Variants in ATG7 observed in about 807,000 individuals in gnomAD.
ATG7 encodes the protein ubiquitin-like modifier-activating enzyme ATG7.
Under a neutral mutation model 82.4 loss-of-function variants are expected in ATG7, and 70 were observed. The observed-to-expected ratio is 0.85, with a 90% CI of 0.70 to 1.04. The LOEUF is 1.04. ATG7 is among the 50% of genes least tolerant of loss of function. The pLI, the probability that ATG7 is intolerant of heterozygous loss-of-function variation, is 0.00. For synonymous variants in ATG7, 287 were observed against 313.0 expected (o/e 0.92, Z 0.88); for missense variants, 792 against 864.3 (o/e 0.92, Z 1.05).
intron 20 of ATG7, among the ~76,000 whole-genome samples, chr3:11,494,307 T>A (rs957083765): frequency 1.3e-5 from 2 of 152,116 alleles, no homozygotes; most frequent in African/African-American, 2.4e-5. Flanking sequence ...ACTTAGGCAA[T>A]CATGATGGGT....
chr3:11,570,875 T>A, the ATG7 span, among the ~76,000 whole-genome samples: 1 of 152,148 alleles, frequency 6.6e-6, no homozygotes, highest in Non-Finnish European at 1.5e-5. Context: ...CACCGTGGCT[T>A]CTCTCCCCTT....
At chr3:11,525,428 G>A (rs1484984954) in intron 20 of ATG7, among the ~76,000 whole-genome samples, 2 of 147,764 alleles carry the variant, frequency 1.4e-5, no homozygotes, top group Non-Finnish European at 3.0e-5. Flanking sequence ...ACTCATAAGA[G>A]GTTCACAGTA....
In ATG7 at chr3:11,439,069, C is replaced by CTTTTTTTT. The variant is rs67206280; in HGVS notation, c.2079+12153_2079+12160dup. Among the ~76,000 whole-genome samples the CTTTTTTTT allele has an allele frequency of 3.2e-4, 39 of 121,976 alleles. 1 individual carries two copies. Among genetic ancestry groups the CTTTTTTTT allele is most frequent in the African/African-American group, 9.1e-4 (29 of 31,916 alleles). The allele number at this position is 121,976 out of a possible 152,430, so 80.0% of individuals were successfully genotyped here. ...TATTTTCTTTTTCTTTTCTTTCTTT[C>CTTTTTTTT]TTTTTTTTTTTTTTTTTGAGACAGA... is the stretch of plus-strand genomic sequence containing the variant. On this transcript the variant is annotated intron_variant, in intron 20 of 20. Transcript: ENST00000693202.
In ATG7 at chr3:11,413,077, G is replaced by A. The variant is rs142216020; in HGVS notation, c.1957-13727G>A. Among the ~76,000 whole-genome samples, 4 of 152,154 alleles carry A rather than the reference G, an allele frequency of 2.6e-5. No individual in the cohort carries two copies. The East Asian group carries it at 5.8e-4, about 22-fold the overall frequency. ...CTGAATTCAGTTTTTGTAGACTGTA[G>A]GGTTTTGTACATGTAAAATCATATC... is the stretch of plus-strand genomic sequence containing the variant. On this transcript the variant is annotated intron_variant, in intron 19 of 20. Coordinates refer to ENST00000693202, the MANE Select transcript of ATG7 (RefSeq NM_001349232.2).
chr3:11,493,322 C>T (rs903064031), intron 20 of ATG7, among the ~76,000 whole-genome samples: 1 of 152,230 alleles, frequency 6.6e-6, no homozygotes, highest in Non-Finnish European at 1.5e-5. Flanking sequence ...CAACATCCAG[C>T]TGCTTCTCCT....
chr3:11,338,831 G>T (rs1211256305), intron 11 of ATG7, among the ~76,000 whole-genome samples: 1 of 152,112 alleles, frequency 6.6e-6, no homozygotes, highest in Non-Finnish European at 1.5e-5. Context: ...GTTTCTCATT[G>T]ACCGTCCTAT....
At position 11,442,739 on chromosome 3, in the gene ATG7, C is replaced by CCAAAAAAAAAAAAAAA. The variant is rs1553668928; in HGVS notation, c.2079+15813_2079+15814insCAAAAAAAAAAAAAAA. On this transcript the variant is annotated intron_variant, in intron 20 of 20. Transcript: ENST00000693202. ...GCAGCATAGTGAGACTCCATCTCTA[C>CCAAAAAAAAAAAAAAA]AAAAAAAAAAAAAAAAAAAAAAAAA... Among the ~76,000 whole-genome samples the CCAAAAAAAAAAAAAAA allele has an allele frequency of 7.4e-4, 51 of 69,248 alleles. 12 individuals are homozygous for CCAAAAAAAAAAAAAAA. Among genetic ancestry groups the CCAAAAAAAAAAAAAAA allele is most frequent in the Middle Eastern group, 0.015 (1 of 66 alleles). The allele number at this position is 69,248 out of a possible 152,430, so 45.4% of individuals were successfully genotyped here. A position where few individuals can be genotyped will look rare whatever the true frequency, so the allele number is the denominator to read the frequency against.
intron 20 of ATG7, among the ~76,000 whole-genome samples, chr3:11,515,461 G>A (rs912541641): frequency 5.9e-5 from 9 of 152,084 alleles, no homozygotes; most frequent in African/African-American, 9.7e-5. Flanking sequence ...GTGCCACCAC[G>A]CCCAGCAAAT....
rs988474324 is a variant in ATG7, at chr3:11,342,374, C to G, written c.1125+95C>G. On this transcript the variant is annotated intron_variant, in intron 13 of 20. Coordinates refer to ENST00000693202, the MANE Select transcript of ATG7 (RefSeq NM_001349232.2). ...GATTGCCTTCCATCTCCCAGCTCCC[C>G]ATCCCCTCCATCTCTCCCTCCCTTC... is the stretch of plus-strand genomic sequence containing the variant. 2.5e-5 allele frequency: 35 copies of G among 1,381,114 alleles called. No individual in the cohort carries two copies. The Admixed American group carries it at 6.8e-4, about 27-fold the overall frequency. The allele number at this position is 1,381,114 out of a possible 1,614,324, so 85.6% of individuals were successfully genotyped here.
At chr3:11,513,567 G>A (rs567332721) in intron 20 of ATG7, among the ~76,000 whole-genome samples, 51 of 152,276 alleles carry the variant, frequency 3.3e-4, no homozygotes, top group African/African-American at 8.9e-4. Context: ...ACGCCCACCC[G>A]GAACTCCAGC....
intron 20 of ATG7, among the ~76,000 whole-genome samples, chr3:11,484,420 A>C (rs1227152644): frequency 6.6e-6 from 1 of 152,102 alleles, no homozygotes; most frequent in African/African-American, 2.4e-5. Flanking sequence ...AAACAAAAAA[A>C]CCACAAAAAC....
intron 20 of ATG7, among the ~76,000 whole-genome samples, chr3:11,543,469 C>G (rs930333990): frequency 1.3e-5 from 2 of 152,220 alleles, no homozygotes; most frequent in African/African-American, 4.8e-5. Context: ...GCAATGGTTC[C>G]CTGAGAAGAG....
At chr3:11,406,281 T>A (rs2080329501) in intron 19 of ATG7, among the ~76,000 whole-genome samples, 1 of 152,094 alleles carries the variant, frequency 6.6e-6, no homozygotes, top group Admixed American at 6.6e-5. Flanking sequence ...TGAGCCACCA[T>A]ACCCAGCCCA....
intron 18 of ATG7, among the ~76,000 whole-genome samples, chr3:11,379,183 T>C (rs2077682789): frequency 6.6e-6 from 1 of 152,166 alleles, no homozygotes; most frequent in Non-Finnish European, 1.5e-5. Context: ...ATTCATAATA[T>C]TTGTGTTGTC....
Position 11,457,543 on chromosome 3 carries a change from A to G in ATG7, c.2079+30617A>G, listed in dbSNP as rs567149507. Among the ~76,000 whole-genome samples, 18 of 152,354 alleles carry G rather than the reference A, an allele frequency of 1.2e-4. No individual in the cohort carries two copies. The South Asian group carries it at 3.5e-3, about 30-fold the overall frequency. On this transcript the variant is annotated intron_variant, in intron 20 of 20. Transcript: ENST00000693202. ...AAATTGTTCTGTACCCAGGAGTTCA[A>G]TAAACACTAAATGTGTGAAAGAATT...
At chr3:11,340,621 A>G in intron 11 of ATG7, 24 bp from the exon 12 acceptor site, 2 of 1,598,376 alleles carry the variant, frequency 1.3e-6, no homozygotes, top group Non-Finnish European at 1.7e-6. Flanking sequence ...CCTTCATTAA[A>G]CTTTGTGTTT....
intron 19 of ATG7, among the ~76,000 whole-genome samples, chr3:11,419,017 T>C (rs2081678460): frequency 6.6e-6 from 1 of 152,102 alleles, no homozygotes; most frequent in Non-Finnish European, 1.5e-5. Context: ...GACATGGGAT[T>C]ACAATTTTAG....
the ATG7 span, among the ~76,000 whole-genome samples, chr3:11,566,825 T>C: frequency 3.3e-5 from 5 of 152,162 alleles, no homozygotes; most frequent in East Asian, 9.6e-4. Flanking sequence ...CGGCAGCCTC[T>C]GAGGGCGTCG....
rs386395940 is a variant in ATG7 at position 11,392,471 on chromosome 3, CA to C, written c.1956+12427del. The stretch of plus-strand genomic sequence containing the variant: ...TTGGGGAAATCATTAAAAAAACAAA[CA>C]AAAAAAACAAAACAAAACAAAAAAA... On this transcript the variant is annotated intron_variant, in intron 19 of 20. Transcript: ENST00000693202. 4.5e-3 allele frequency among the ~76,000 whole-genome samples: 669 copies of C among 149,358 alleles called. 4 individuals are homozygous for C. Among genetic ancestry groups the C allele is most frequent in the African/African-American group, 0.016 (632 of 40,656 alleles).
Sources: gnomAD v4.1 joint callset for allele counts (sites outside exome capture counted in the v4.1 genomes callset) on GRCh38, gnomAD v4.1.1 for gene constraint, MANE v1.5 for transcripts, NCBI Gene and HGNC (gene_info 2026-07-23, HGNC 2026-07-21) for gene names.